Variants in ADH1C observed in about 807,000 individuals in gnomAD.
ADH1C encodes the protein alcohol dehydrogenase 1C.
In ADH1C, 26 loss-of-function variants were observed where a neutral mutation model predicts 35.0. That is an observed-to-expected ratio of 0.74 (90% CI 0.54 to 1.03). The LOEUF is 1.03. Among genes scored for constraint, ADH1C ranks in the 50% least tolerant of loss-of-function variants. The probability of loss-of-function intolerance (pLI) is 0.00; values close to 1 mark genes in which losing one functional copy is unlikely to be tolerated. For synonymous variants in ADH1C, 170 were observed against 169.3 expected, an observed-to-expected ratio of 1.00 and a Z score of -0.03; for missense variants, 413 against 465.4, an observed-to-expected ratio of 0.89 and a Z score of 1.04.
chr4:99,348,550 A>G (rs1734598574), intron 1 of ADH1C, among the ~76,000 whole-genome samples: 1 of 150,352 alleles, frequency 6.7e-6, no homozygotes, highest in African/African-American at 2.4e-5. Context: ...GGTTGGTTCC[A>G]AGTCTTTGCT....
rs773978451 is a variant in ADH1C at position 99,352,693 on chromosome 4, T to C, written c.-18A>G. Reference sequence around the variant, plus strand: ...GTGCTCATATTGATTCTGTCTTCTCTGCAGACCAGGAGGCTGGTGAGTACT... The same window carrying C: ...GTGCTCATATTGATTCTGTCTTCTCCGCAGACCAGGAGGCTGGTGAGTACT... On this transcript the variant is annotated 5_prime_UTR_variant, in exon 1 of 9. Transcript: ENST00000515683. 6 of 1,613,060 alleles carry C rather than the reference T, an allele frequency of 3.7e-6. No homozygotes were observed. The South Asian group carries it at 4.4e-5, about 12-fold the overall frequency.
chr4:99,347,123 G>T lies in ADH1C; in HGVS notation c.142C>A (p.Arg48Ser). ...CCACTAACCACATGCTCATCTGAAC[G>T]ACAGATTCCTGCAGCCACCATCTAC... ...RIKMVAAGIC[R>S]SDEHVVSGNL... is the part of the protein sequence containing the mutation. Residue 48 changes from arginine to serine, a missense_variant, in exon 3 of 9, where the codon CGT becomes AGT. By Grantham distance (110) the Arg-to-Ser change is moderately radical. Transcript: ENST00000515683. 6.2e-7 allele frequency: 1 copy of T among 1,613,786 alleles called. No individual in the cohort carries two copies. The highest frequency in any genetic ancestry group is 8.5e-7 in the Non-Finnish European group (1 of 1,179,896).
rs1374706330 is a variant in ADH1C, at chr4:99,348,859, G to C, written c.19-1013C>G. The stretch of plus-strand genomic sequence containing the variant: ...TGGTATCTCATTGTGATTTTGATTT[G>C]CATTTCTCTGATGGCCAGTGATGAT... On this transcript the variant is annotated intron_variant, in intron 1 of 8. Transcript: ENST00000515683. 3.3e-5 allele frequency among the ~76,000 whole-genome samples: 5 copies of C among 152,184 alleles called. No individual in the cohort carries two copies. The East Asian group carries it at 9.7e-4, about 29-fold the overall frequency.
At chr4:99,349,380 T>C (rs1418481039) in intron 1 of ADH1C, among the ~76,000 whole-genome samples, 1 of 152,168 alleles carries the variant, frequency 6.6e-6, no homozygotes, top group Non-Finnish European at 1.5e-5. Flanking sequence ...TTTATTCTTT[T>C]GATTTTTTTT....
intron 2 of ADH1C, among the ~76,000 whole-genome samples, chr4:99,347,457 G>A (rs535922862): frequency 4.0e-4 from 61 of 152,240 alleles, no homozygotes; most frequent in African/African-American, 1.4e-3. Context: ...TTAACACCAA[G>A]AAAATATCTA....
At position 99,338,395 on chromosome 4, in the gene ADH1C, CTA is replaced by C. The variant is rs35124782; in HGVS notation, c.1103+1180_1103+1181del. Reference sequence around the variant, plus strand: ...ATTAACCTTTGATGAATACTGTTTTCTATATATATATATATATATATATATAT... The same window carrying C: ...ATTAACCTTTGATGAATACTGTTTTCTATATATATATATATATATATATAT... On this transcript the variant is annotated intron_variant, in intron 8 of 8. Transcript: ENST00000515683. Among the ~76,000 whole-genome samples the C allele has an allele frequency of 6.4e-3, 248 of 38,906 alleles. 1 individual carries two copies. The highest frequency in any genetic ancestry group is 0.02 in the Middle Eastern group (1 of 50). 25.5% of individuals were successfully genotyped at this position (38,906 alleles called of 152,430 possible). A position where few individuals can be genotyped will look rare whatever the true frequency, so the allele number is the denominator to read the frequency against.
At chr4:99,345,321 CA>C (rs70956000) in intron 3 of ADH1C, 55 bp from the exon 4 acceptor site, 204,023 of 1,510,560 alleles carry the variant, frequency 0.14, 15,603 homozygotes, top group Non-Finnish European at 0.16. Flanking sequence ...ATTAATAGAG[CA>C]AAAACTTAAC....
chr4:99,338,845 A>G (rs1261309928), intron 8 of ADH1C, among the ~76,000 whole-genome samples: 1 of 151,674 alleles, frequency 6.6e-6, no homozygotes, highest in African/African-American at 2.4e-5. Context: ...GAAGGCAGAG[A>G]TTAGATATAA....
rs751713187 is a variant in ADH1C, at chr4:99,344,923, T to C, written c.506A>G (p.Lys169Arg). ...AKIDAASPLE[K>R]VCLIGCGFST... The stretch of plus-strand genomic sequence containing the variant: ...AAATCCACAGCCAATGAGGCAGACT[T>C]TCTCCAGGGGCGAGGCTGCATCAAT... The change falls in exon 5 of 9, where the codon AAA (lysine) becomes AGA (arginine). Residue 169 changes from lysine to arginine, a missense_variant. Lys to Arg is a conservative substitution (Grantham distance 26). Transcript: ENST00000515683. 3 of 1,614,194 alleles carry C rather than the reference T, an allele frequency of 1.9e-6. No individual in the cohort carries two copies. The highest frequency in any genetic ancestry group is 2.5e-6 in the Non-Finnish European group (3 of 1,180,028).
chr4:99,337,041 T>C (rs531127001), intron 8 of ADH1C, among the ~76,000 whole-genome samples: 10 of 152,310 alleles, frequency 6.6e-5, no homozygotes, highest in Admixed American at 5.9e-4. Context: ...CATTAGCATC[T>C]TCAAAAAATC....
chr4:99,349,633 G>A (rs1199155117), intron 1 of ADH1C, among the ~76,000 whole-genome samples: 2 of 149,518 alleles, frequency 1.3e-5, no homozygotes, highest in Non-Finnish European at 3.0e-5. Context: ...TTTGCCTATT[G>A]TCCTCTTTTA....
chr4:99,343,295 C>T (rs567603185), intron 5 of ADH1C, among the ~76,000 whole-genome samples: 2 of 152,310 alleles, frequency 1.3e-5, no homozygotes, highest in South Asian at 4.1e-4. Context: ...AAACATCCCA[C>T]AGTCCAGGTC....
At chr4:99,344,656 C>A (rs371802943) in intron 5 of ADH1C, among the ~76,000 whole-genome samples, 1 of 135,450 alleles carries the variant, frequency 7.4e-6, no homozygotes, top group East Asian at 1.9e-4. Flanking sequence ...AAAATGACAT[C>A]TTTACATTTT....
Position 99,339,735 on chromosome 4 carries a change from AT to A in ADH1C, c.965-21del. The A allele has an allele frequency of 6.3e-7, 1 of 1,595,104 alleles. No individual in the cohort carries two copies. The highest frequency in any genetic ancestry group is 8.5e-7 in the Non-Finnish European group (1 of 1,173,202). ...TAAAGCCTGAAAAGAAGAAAATATC[AT>A]TGATAGATTCAACCAGGGTAAGTAG... On this transcript the variant is annotated intron_variant, in intron 7 of 8. Coordinates refer to ENST00000515683, the MANE Select transcript of ADH1C (RefSeq NM_000669.5).
intron 2 of ADH1C, 52 bp downstream of exon 2, chr4:99,347,693 T>G: frequency 6.6e-7 from 1 of 1,506,264 alleles, no homozygotes; most frequent in Non-Finnish European, 9.0e-7. Flanking sequence ...TTTTTAATAT[T>G]TTCTGAATTC....
In ADH1C at chr4:99,339,707, T is replaced by A. The variant is rs1413491725; in HGVS notation, c.973A>T (p.Ser325Cys). Reference protein sequence around the residue: ...WKGAIFGGFKSKESVPKLVAD... With the variant: ...WKGAIFGGFKCKESVPKLVAD... Reference sequence around the variant, plus strand: ...ACAAGTTTGGGGACAGATTCTTTACTCTTAAAGCCTGAAAAGAAGAAAATA... The same window carrying A: ...ACAAGTTTGGGGACAGATTCTTTACACTTAAAGCCTGAAAAGAAGAAAATA... Residue 325 changes from serine (S) to cysteine (C), a missense_variant, in exon 8 of 9, where the codon AGT (serine) becomes TGT (cysteine). By Grantham distance (112) the Ser-to-Cys change is moderately radical (BLOSUM62 -1). Transcript: ENST00000515683. The A allele has an allele frequency of 6.2e-7, 1 of 1,606,770 alleles. No individual in the cohort carries two copies. The highest frequency in any genetic ancestry group is 1.1e-5 in the South Asian group (1 of 88,936).
rs113132608 is a variant in ADH1C at position 99,342,771 on chromosome 4, T to C, written c.828+24A>G. On this transcript the variant is annotated intron_variant, in intron 6 of 8. Transcript: ENST00000515683. ...TCCTCCAGGTTGCAGAGGCAGAAATTTCAGGGCATGTCACGGATCATACCA... is the reference window on the plus strand; with the variant it reads ...TCCTCCAGGTTGCAGAGGCAGAAATCTCAGGGCATGTCACGGATCATACCA... 37 of 1,613,676 alleles carry C rather than the reference T, an allele frequency of 2.3e-5. 1 individual carries two copies. Among genetic ancestry groups the C allele is most frequent in the African/African-American group, 2.0e-4 (15 of 75,046 alleles).
chr4:99,340,936 T>C (rs1274664515), intron 6 of ADH1C, among the ~76,000 whole-genome samples: 1 of 152,240 alleles, frequency 6.6e-6, no homozygotes, highest in East Asian at 1.9e-4. Context: ...TAAATTTGTG[T>C]GCCCTTAGTT....
At chr4:99,338,990 A>G (rs1409866782) in intron 8 of ADH1C, among the ~76,000 whole-genome samples, 1 of 152,098 alleles carries the variant, frequency 6.6e-6, no homozygotes, top group African/African-American at 2.4e-5. Flanking sequence ...ATGTAAGACA[A>G]ATATTTAAAA....
Sources: gnomAD v4.1 joint callset for allele counts (sites outside exome capture counted in the v4.1 genomes callset) on GRCh38, gnomAD v4.1.1 for gene constraint, MANE v1.5 for transcripts, NCBI Gene and HGNC (gene_info 2026-07-23, HGNC 2026-07-21) for gene names.